The following TSPAN9 variants were observed in gnomAD, a reference collection of about 807,000 sequenced individuals.
TSPAN9 encodes tetraspanin 9.
TSPAN9 carries 16 observed loss-of-function variants against 31.0 expected under a neutral mutation model. The ratio of observed to expected loss-of-function variants is 0.52; its 90% confidence interval spans 0.35 to 0.78. The LOEUF is 0.78. TSPAN9 is among the 30% of genes least tolerant of loss of function. The pLI is 0.01. For synonymous variants in TSPAN9, 145 were observed against 121.6 expected, an observed-to-expected ratio of 1.19 and a Z score of -1.27; for missense variants, 272 against 312.5, an observed-to-expected ratio of 0.87 and a Z score of 0.98.
intron 2 of TSPAN9, among the ~76,000 whole-genome samples, chr12:3,134,146 C>T (rs1440380169): frequency 6.6e-6 from 1 of 152,144 alleles, no homozygotes; most frequent in African/African-American, 2.4e-5. Context: ...GTCAGCCTTT[C>T]CCGCCGTGGA....
chr12:3,205,622 A>G (rs750511013), intron 3 of TSPAN9, among the ~76,000 whole-genome samples: 6 of 152,158 alleles, frequency 3.9e-5, no homozygotes, highest in South Asian at 2.1e-4. Context: ...AGTGGGCTCA[A>G]GGGTCCCAGC....
At chr12:3,079,269 G>A (rs1260903234) in intron 1 of TSPAN9, among the ~76,000 whole-genome samples, 1 of 152,040 alleles carries the variant, frequency 6.6e-6, no homozygotes, top group Non-Finnish European at 1.5e-5. Context: ...GTGAGCCACC[G>A]CATTGGCTGA....
intron 2 of TSPAN9, among the ~76,000 whole-genome samples, chr12:3,113,984 C>G (rs1445853533): frequency 6.6e-6 from 1 of 152,242 alleles, no homozygotes; most frequent in African/African-American, 2.4e-5. Context: ...ATTGTGTACT[C>G]ACTTGTGTGA....
chr12:3,211,432 A>G (rs2098378640), intron 3 of TSPAN9, among the ~76,000 whole-genome samples: 2 of 152,076 alleles, frequency 1.3e-5, no homozygotes, highest in Non-Finnish European at 1.5e-5. Flanking sequence ...TTTCAAGAGT[A>G]TTTTTGCTGT....
chr12:3,153,882 A>G (rs1214503471), intron 2 of TSPAN9, among the ~76,000 whole-genome samples: 2 of 150,492 alleles, frequency 1.3e-5, no homozygotes, highest in Non-Finnish European at 3.0e-5. Context: ...CTGTGGATGT[A>G]TCTCTGTCTG....
At chr12:3,254,746 G>T (rs879641669) in intron 3 of TSPAN9, among the ~76,000 whole-genome samples, 1 of 152,200 alleles carries the variant, frequency 6.6e-6, no homozygotes, top group African/African-American at 2.4e-5. Context: ...ACTGTGGGTC[G>T]TCAAGGGCTC....
intron 3 of TSPAN9, among the ~76,000 whole-genome samples, chr12:3,237,080 A>T (rs2098394158): frequency 6.6e-6 from 1 of 152,106 alleles, no homozygotes; most frequent in Non-Finnish European, 1.5e-5. Context: ...GGCCTCCTGG[A>T]GTAGGTGGGG....
chr12:3,268,864 C>A (rs1256297805), intron 3 of TSPAN9, among the ~76,000 whole-genome samples: 1 of 123,454 alleles, frequency 8.1e-6, no homozygotes, highest in East Asian at 3.2e-4. Context: ...ATTCCTGCAG[C>A]CTGCCCTCTG....
intron 2 of TSPAN9, among the ~76,000 whole-genome samples, chr12:3,105,760 ACACACG>A (rs2098314085): frequency 1.7e-5 from 1 of 59,580 alleles, no homozygotes; most frequent in South Asian, 1.1e-3. Context: ...ACACACACGC[ACACACG>A]CGCACGCACA....
Position 3,178,709 on chromosome 12 carries a change from C to T in TSPAN9, c.-17-22468C>T, listed in dbSNP as rs145131761. Among the ~76,000 whole-genome samples, 126 of 152,270 alleles carry T rather than the reference C, an allele frequency of 8.3e-4. 1 individual carries two copies. In the East Asian group the frequency reaches 0.017, roughly 21 times the overall value. On this transcript the variant is annotated intron_variant, in intron 2 of 8. Transcript: ENST00000011898. ...AGTTGCAGTTTTCACAAAATGTCAACGAGACGGGTGGTGTAGAACATTAAC... is the reference window on the plus strand; with the variant it reads ...AGTTGCAGTTTTCACAAAATGTCAATGAGACGGGTGGTGTAGAACATTAAC...
intron 3 of TSPAN9, among the ~76,000 whole-genome samples, chr12:3,277,683 A>G (rs769244861): frequency 1.1e-4 from 16 of 152,160 alleles, no homozygotes; most frequent in Non-Finnish European, 1.9e-4. Context: ...AAGCTTCCCC[A>G]GGTGGAGCTG....
intron 2 of TSPAN9, among the ~76,000 whole-genome samples, chr12:3,156,905 G>A (rs2098342541): frequency 6.6e-6 from 1 of 152,150 alleles, no homozygotes; most frequent in Admixed American, 6.5e-5. Flanking sequence ...AGGGGGCAAG[G>A]GCTGAGAGCT....
intron 2 of TSPAN9, among the ~76,000 whole-genome samples, chr12:3,136,976 G>A (rs1423574742): frequency 2.0e-5 from 3 of 152,210 alleles, no homozygotes; most frequent in Admixed American, 2.0e-4. Context: ...AAGGCTTCGG[G>A]TGTGGAAGGG....
At chr12:3,220,653 G>A (rs1178159077) in intron 3 of TSPAN9, among the ~76,000 whole-genome samples, 1 of 152,192 alleles carries the variant, frequency 6.6e-6, no homozygotes, top group Non-Finnish European at 1.5e-5. Context: ...ACCCAAGCCC[G>A]GAGGCTTAGT....
intron 3 of TSPAN9, among the ~76,000 whole-genome samples, chr12:3,205,038 T>C (rs971645291): frequency 6.6e-6 from 1 of 151,840 alleles, no homozygotes. Flanking sequence ...GCTGGGGTCA[T>C]GTGTACCCTT....
chr12:3,246,985 G>T (rs957618630), intron 3 of TSPAN9, among the ~76,000 whole-genome samples: 5 of 152,330 alleles, frequency 3.3e-5, no homozygotes, highest in Admixed American at 1.3e-4. Context: ...CCGCTGGGAG[G>T]ATGGGTGGTC....
At chr12:3,184,443 G>GAGAGAA (rs967821192) in intron 2 of TSPAN9, among the ~76,000 whole-genome samples, 2 of 151,668 alleles carry the variant, frequency 1.3e-5, no homozygotes, top group East Asian at 3.9e-4. Flanking sequence ...GAGAAAGAAA[G>GAGAGAA]AGAGAAAGAG....
intron 2 of TSPAN9, among the ~76,000 whole-genome samples, chr12:3,186,545 T>TC (rs1565606533): frequency 2.7e-5 from 1 of 37,482 alleles, no homozygotes; most frequent in Admixed American, 3.6e-4. Flanking sequence ...CAGGAGTTTG[T>TC]TTGTGTGTGT....
At chr12:3,193,898 A>T (rs1320458381) in intron 2 of TSPAN9, among the ~76,000 whole-genome samples, 3 of 151,732 alleles carry the variant, frequency 2.0e-5, no homozygotes, top group Non-Finnish European at 4.4e-5. Context: ...CGTGCTGGGG[A>T]TATGGCTGTG....
Sources: gnomAD v4.1 joint callset for allele counts (sites outside exome capture counted in the v4.1 genomes callset) on GRCh38, gnomAD v4.1.1 for gene constraint, MANE v1.5 for transcripts, NCBI Gene and HGNC (gene_info 2026-07-23, HGNC 2026-07-21) for gene names.